Variants in SPAG16 observed in about 807,000 individuals in gnomAD.
The protein encoded by SPAG16 is sperm associated antigen 16, also known as sperm-associated antigen 16 protein.
SPAG16 carries 86 observed loss-of-function variants against 80.4 expected under a neutral mutation model. The observed-to-expected ratio is 1.07, with a 90% CI of 0.90 to 1.28. SPAG16 has a LOEUF of 1.28. Ranked by LOEUF, SPAG16 falls within the 50% of genes most tolerant of loss-of-function variation. SPAG16 has a pLI of 0.00. For missense variants in SPAG16, 870 were observed against 765.3 expected, an observed-to-expected ratio of 1.14 and a Z score of -1.61; for synonymous variants, 294 against 265.9, an observed-to-expected ratio of 1.11 and a Z score of -1.03.
At chr2:214,070,124 T>C (rs2050721154) in intron 13 of SPAG16, among the ~76,000 whole-genome samples, 1 of 151,976 alleles carries the variant, frequency 6.6e-6, no homozygotes, top group South Asian at 2.1e-4. Flanking sequence ...CTTTGTGCAT[T>C]AAGACCATGA....
rs914421277 is a variant in SPAG16 at position 214,128,755 on chromosome 2, G to A, written c.1594-20385G>A. Among the ~76,000 whole-genome samples the A allele has an allele frequency of 4.0e-5, 6 of 151,888 alleles. No individual in the cohort carries two copies. The South Asian group carries it at 1.2e-3, about 31-fold the overall frequency. ...ACCTAGTGCCTCATAAATTCATCAA[G>A]TTTACCTTGTTGGATGCTAGATATT... On this transcript the variant is annotated intron_variant, in intron 14 of 15. Transcript: ENST00000331683.
chr2:213,955,681 T>C (rs2106335550), intron 12 of SPAG16, among the ~76,000 whole-genome samples: 1 of 152,238 alleles, frequency 6.6e-6, no homozygotes, highest in East Asian at 1.9e-4. Flanking sequence ...TTATTAGCTA[T>C]AAGTCTACTC....
At chr2:213,442,142 C>T (rs760932585) in intron 9 of SPAG16, among the ~76,000 whole-genome samples, 6 of 149,428 alleles carry the variant, frequency 4.0e-5, no homozygotes, top group South Asian at 2.1e-4. Context: ...AGTGAGACTC[C>T]GTCTCAAAAA....
intron 3 of SPAG16, among the ~76,000 whole-genome samples, chr2:213,307,787 T>A (rs971201859): frequency 1.3e-5 from 2 of 152,074 alleles, no homozygotes; most frequent in Non-Finnish European, 2.9e-5. Flanking sequence ...GTTGAAGTAG[T>A]TTACAGTCCC....
At chr2:213,289,220 A>G (rs888027647) in intron 1 of SPAG16, among the ~76,000 whole-genome samples, 14 of 152,330 alleles carry the variant, frequency 9.2e-5, no homozygotes, top group African/African-American at 3.4e-4. Flanking sequence ...AAATATCTTA[A>G]TCTCTAGCCT....
In SPAG16 at chr2:213,553,907, C is replaced by G. The variant is rs1472234480; in HGVS notation, c.1070+63817C>G. 5.9e-5 allele frequency among the ~76,000 whole-genome samples: 9 copies of G among 152,294 alleles called. No individual in the cohort carries two copies. The East Asian group carries it at 1.7e-3, about 29-fold the overall frequency. On this transcript the variant is annotated intron_variant, in intron 10 of 15. Transcript: ENST00000331683. ...AGACTCCTCTGCTGCTTTACAAACA[C>G]CCTTTCTTTGAATACTGTTACAGAC...
intron 11 of SPAG16, among the ~76,000 whole-genome samples, chr2:213,929,454 A>G (rs555661744): frequency 1.3e-5 from 2 of 152,326 alleles, no homozygotes; most frequent in South Asian, 4.1e-4. Flanking sequence ...TTGATCTCTC[A>G]TGATCTAACT....
intron 8 of SPAG16, among the ~76,000 whole-genome samples, chr2:213,372,383 T>G (rs1178015331): frequency 6.6e-6 from 1 of 152,120 alleles, no homozygotes; most frequent in Admixed American, 6.5e-5. Flanking sequence ...CTTCAGAGCT[T>G]TAAAGAGGAA....
intron 15 of SPAG16, among the ~76,000 whole-genome samples, chr2:214,198,367 T>G (rs1170241884): frequency 6.6e-6 from 1 of 152,138 alleles, no homozygotes; most frequent in African/African-American, 2.4e-5. Flanking sequence ...TTTCCATTCC[T>G]GAGTTAGTTA....
At chr2:214,321,899 C>G (rs1253840225) in intron 15 of SPAG16, among the ~76,000 whole-genome samples, 5 of 152,136 alleles carry the variant, frequency 3.3e-5, no homozygotes, top group African/African-American at 1.2e-4. Context: ...GTTGAGAAAG[C>G]CTGCTATACC....
At chr2:213,547,728 C>A (rs75402436) in intron 10 of SPAG16, among the ~76,000 whole-genome samples, 1 of 152,284 alleles carries the variant, frequency 6.6e-6, no homozygotes, top group East Asian at 1.9e-4. Flanking sequence ...CCATACTCCA[C>A]CTGCAAGTAA....
chr2:214,310,336 G>A (rs1411208015), intron 15 of SPAG16, among the ~76,000 whole-genome samples: 1 of 152,070 alleles, frequency 6.6e-6, no homozygotes, highest in East Asian at 1.9e-4. Flanking sequence ...TTTGTGTGGT[G>A]GCTTTCTCAA....
At chr2:213,800,511 G>A (rs1030729905) in intron 10 of SPAG16, among the ~76,000 whole-genome samples, 43 of 151,808 alleles carry the variant, frequency 2.8e-4, no homozygotes, top group Admixed American at 1.2e-3. Context: ...AGGACTACAC[G>A]TGCACACCAC....
At chr2:213,901,933 G>A (rs2077237929) in intron 11 of SPAG16, among the ~76,000 whole-genome samples, 1 of 152,140 alleles carries the variant, frequency 6.6e-6, no homozygotes. Flanking sequence ...AAACAGACAA[G>A]GGGTTTGTAA....
chr2:214,369,707 C>T (rs1023771828), intron 15 of SPAG16, among the ~76,000 whole-genome samples: 3 of 151,968 alleles, frequency 2.0e-5, no homozygotes, highest in Non-Finnish European at 4.4e-5. Context: ...TTATGAACTC[C>T]CTCAATTTTC....
chr2:214,341,464 C>T (rs1212742639), intron 15 of SPAG16, among the ~76,000 whole-genome samples: 1 of 152,120 alleles, frequency 6.6e-6, no homozygotes, highest in Non-Finnish European at 1.5e-5. Context: ...TACCCTTGAA[C>T]TACAAATTTT....
chr2:214,316,435 CAG>C (rs2125986682), intron 15 of SPAG16, among the ~76,000 whole-genome samples: 1 of 152,254 alleles, frequency 6.6e-6, no homozygotes, highest in South Asian at 2.1e-4. Context: ...TATTTAGGGA[CAG>C]AGCCCCTTGC....
At chr2:214,060,066 A>G (rs1426263054) in intron 13 of SPAG16, among the ~76,000 whole-genome samples, 1 of 152,194 alleles carries the variant, frequency 6.6e-6, no homozygotes, top group African/African-American at 2.4e-5. Flanking sequence ...CTCCAAGCCT[A>G]AGAGAGTAAC....
At chr2:213,350,755 C>G (rs1488468864) in intron 7 of SPAG16, 110 bp downstream of exon 7, 1 of 640,650 alleles carries the variant, frequency 1.6e-6, no homozygotes, top group South Asian at 2.7e-5. Flanking sequence ...CATTTTCAAC[C>G]AACTTTCATG....
Sources: allele counts gnomAD v4.1 joint callset (sites outside exome capture counted in the v4.1 genomes callset), GRCh38; gene constraint gnomAD v4.1.1; transcripts MANE v1.5; gene names NCBI Gene and HGNC (gene_info 2026-07-23, HGNC 2026-07-21).